Variants in CYSTM1 observed in about 807,000 individuals in gnomAD.
CYSTM1 encodes the protein cysteine rich transmembrane module containing 1.
Under a neutral mutation model 13.1 loss-of-function variants are expected in CYSTM1, and 4 were observed. That is an observed-to-expected ratio of 0.31 (90% CI 0.15 to 0.70). The LOEUF (loss-of-function observed/expected upper bound fraction) is 0.70. CYSTM1 is among the 30% of genes least tolerant of loss of function. The pLI is 0.72. For synonymous variants in CYSTM1, 36 were observed against 42.7 expected (o/e 0.84, Z 0.62); for missense variants, 96 against 121.6 (o/e 0.79, Z 0.99).
At position 140,234,818 on chromosome 5, in the gene CYSTM1, C is replaced by T. The variant is rs114602888; in HGVS notation, c.188-8487C>T. Reference sequence around the variant, plus strand: ...TGAGCAGGTCATGAGCAAGATCATACACTGTTTGCTGCCATTGGAAAATCC... The same window carrying T: ...TGAGCAGGTCATGAGCAAGATCATATACTGTTTGCTGCCATTGGAAAATCC... On this transcript the variant is annotated intron_variant, in intron 2 of 2. Coordinates refer to ENST00000261811, the MANE Select transcript of CYSTM1 (RefSeq NM_032412.4). Among the ~76,000 whole-genome samples the T allele has an allele frequency of 9.2e-3, 1,399 of 152,316 alleles. 16 individuals are homozygous for T. Among genetic ancestry groups the T allele is most frequent in the Non-Finnish European group, 0.013 (894 of 68,024 alleles).
At chr5:140,191,421 A>C (rs1445452130) in intron 1 of CYSTM1, among the ~76,000 whole-genome samples, 1 of 152,196 alleles carries the variant, frequency 6.6e-6, no homozygotes, top group Non-Finnish European at 1.5e-5. Context: ...CATACCAAAA[A>C]TGAGAGGGAA....
rs1434027947 is a variant in CYSTM1 at position 140,191,731 on chromosome 5, G to A, written c.-20-2715G>A. Among the ~76,000 whole-genome samples the A allele has an allele frequency of 5.3e-5, 8 of 152,234 alleles. No homozygotes were observed. In the East Asian group the frequency reaches 1.5e-3, roughly 29 times the overall value. ...TAAACTACAGTTTTAATGAAGTTAG[G>A]TTACACACACTGAATTTCAGGACAG... is the stretch of plus-strand genomic sequence containing the variant. On this transcript the variant is annotated intron_variant, in intron 1 of 2. Coordinates refer to ENST00000261811, the MANE Select transcript of CYSTM1 (RefSeq NM_032412.4).
chr5:140,186,945 G>A (rs531849746), intron 1 of CYSTM1, among the ~76,000 whole-genome samples: 5 of 152,188 alleles, frequency 3.3e-5, no homozygotes, highest in Middle Eastern at 3.4e-3. Flanking sequence ...GGCCAACATG[G>A]TGAAACCCCA....
At chr5:140,237,989 C>T (rs934627113) in intron 2 of CYSTM1, among the ~76,000 whole-genome samples, 9 of 152,204 alleles carry the variant, frequency 5.9e-5, no homozygotes, top group African/African-American at 1.9e-4. Flanking sequence ...CATGTAAACG[C>T]CCGCACCTGT....
chr5:140,194,782 A>G lies in CYSTM1; in HGVS notation c.187+130A>G, dbSNP rs1025609273. 1.8e-5 allele frequency: 21 copies of G among 1,173,330 alleles called. No homozygotes were observed. The African/African-American group carries it at 3.1e-4, about 18-fold the overall frequency. The allele number at this position is 1,173,330 out of a possible 1,614,324, so 72.7% of individuals were successfully genotyped here. On this transcript the variant is annotated intron_variant, in intron 2 of 2. Coordinates refer to ENST00000261811, the MANE Select transcript of CYSTM1 (RefSeq NM_032412.4). Reference sequence around the variant, plus strand: ...TGCTTGATGTCCCCAAAGCTTGATGATGGCTTAGGGTGGATTCTCACTCCT... The same window carrying G: ...TGCTTGATGTCCCCAAAGCTTGATGGTGGCTTAGGGTGGATTCTCACTCCT...
chr5:140,177,078 A>AAAAAAAAAAAAAAAAAAC (rs10679899), intron 1 of CYSTM1, among the ~76,000 whole-genome samples: 4 of 135,544 alleles, frequency 3.0e-5, no homozygotes, highest in Non-Finnish European at 4.8e-5. Flanking sequence ...CAAAAAAAAA[A>AAAAAAAAAAAAAAAAAAC]AAAAAAAAAT....
Position 140,194,559 on chromosome 5 carries a change from G to T in CYSTM1, c.94G>T (p.Gly32Trp), listed in dbSNP as rs370976721. 3 of 1,613,570 alleles carry T rather than the reference G, an allele frequency of 1.9e-6. No individual in the cohort carries two copies. Among genetic ancestry groups the T allele is most frequent in the Non-Finnish European group, 2.5e-6 (3 of 1,179,800 alleles). The change falls in exon 2 of 3, where the codon GGG (glycine) becomes TGG (tryptophan). Residue 32 changes from glycine (G) to tryptophan (W), a missense_variant. Gly to Trp is a radical substitution (Grantham distance 184). Transcript: ENST00000261811. ...PPQPMGPGPM[G>W]GPYPPPQGYP... ...ACAACCAATGGGTCCAGGACCTATG[G>T]GGGGACCCTACCCACCTCCTCAAGG...
At chr5:140,194,695 A>G (rs760048030) in intron 2 of CYSTM1, 43 bp downstream of exon 2, 64 of 1,556,826 alleles carry the variant, frequency 4.1e-5, no homozygotes, top group Non-Finnish European at 5.4e-5. Flanking sequence ...CCGTGTCACT[A>G]AAGGAAATGT....
intron 2 of CYSTM1, among the ~76,000 whole-genome samples, chr5:140,198,927 G>A (rs1764185789): frequency 1.3e-5 from 2 of 152,100 alleles, no homozygotes; most frequent in Admixed American, 1.3e-4. Context: ...TCTACATTGG[G>A]TATTTCTCCT....
chr5:140,181,490 C>T (rs992363170), intron 1 of CYSTM1, among the ~76,000 whole-genome samples: 7 of 152,164 alleles, frequency 4.6e-5, no homozygotes, highest in African/African-American at 1.7e-4. Context: ...ATTGTATTTA[C>T]TTACTGATTA....
intron 2 of CYSTM1, among the ~76,000 whole-genome samples, chr5:140,194,892 T>C (rs958806682): frequency 6.6e-6 from 1 of 152,220 alleles, no homozygotes; most frequent in African/African-American, 2.4e-5. Flanking sequence ...CAACGTGTTT[T>C]CTGAGGGCTA....
At chr5:140,218,902 GCATA>G (rs1242008497) in intron 2 of CYSTM1, among the ~76,000 whole-genome samples, 1 of 152,144 alleles carries the variant, frequency 6.6e-6, no homozygotes, top group Non-Finnish European at 1.5e-5. Context: ...GGCCCTCCCA[GCATA>G]TTTTTGGAGG....
chr5:140,177,561 G>A (rs1763905191), intron 1 of CYSTM1, among the ~76,000 whole-genome samples: 1 of 152,188 alleles, frequency 6.6e-6, no homozygotes, highest in Non-Finnish European at 1.5e-5. Context: ...TGGTTTGTGC[G>A]TAAATATAGA....
intron 1 of CYSTM1, among the ~76,000 whole-genome samples, chr5:140,180,665 A>T (rs1334821160): frequency 1.3e-5 from 2 of 152,194 alleles, no homozygotes; most frequent in Non-Finnish European, 2.9e-5. Context: ...TTATTGATTT[A>T]GGCCTCCAAG....
At chr5:140,182,685 T>C (rs915048609) in intron 1 of CYSTM1, among the ~76,000 whole-genome samples, 13 of 151,864 alleles carry the variant, frequency 8.6e-5, no homozygotes. Flanking sequence ...CTTTCACATA[T>C]AGAGAACTGT....
chr5:140,243,520 A>G lies in CYSTM1; in HGVS notation c.*109A>G, dbSNP rs571611419. On this transcript the variant is annotated 3_prime_UTR_variant, in exon 3 of 3. Transcript: ENST00000261811. ...TTAACAAATGACTAGCTTTGCACAG[A>G]CACCTCTACCTTCAGCACTATGGGA... The G allele has an allele frequency of 1.2e-3, 1,002 of 802,804 alleles. 6 individuals are homozygous for G. Among genetic ancestry groups the G allele is most frequent in the Middle Eastern group, 7.3e-3 (21 of 2,874 alleles). The allele number at this position is 802,804 out of a possible 1,614,324, so 49.7% of individuals were successfully genotyped here.
At position 140,243,292 on chromosome 5, in the gene CYSTM1, C is replaced by G. The variant is rs1364941925; in HGVS notation, c.188-13C>G. 1 of 1,611,870 alleles carries G rather than the reference C, an allele frequency of 6.2e-7. No homozygotes were observed. Among genetic ancestry groups the G allele is most frequent in the Non-Finnish European group, 8.5e-7 (1 of 1,178,140 alleles). On this transcript the variant is annotated splice_polypyrimidine_tract_variant and intron_variant, in intron 2 of 2. Coordinates refer to ENST00000261811, the MANE Select transcript of CYSTM1 (RefSeq NM_032412.4). The stretch of plus-strand genomic sequence containing the variant: ...CCAGTCCATTCTCACCCTCTTCCCT[C>G]TTCTCCCTCCAGTGTATGTGGTAGA...
chr5:140,185,858 A>G (rs1488999782), intron 1 of CYSTM1, among the ~76,000 whole-genome samples: 1 of 152,174 alleles, frequency 6.6e-6, no homozygotes, highest in Admixed American at 6.5e-5. Flanking sequence ...ACCTCTGCTC[A>G]CTGTACATTC....
chr5:140,242,894 A>G (rs935183673), intron 2 of CYSTM1, among the ~76,000 whole-genome samples: 4 of 152,226 alleles, frequency 2.6e-5, no homozygotes, highest in African/African-American at 9.6e-5. Flanking sequence ...GCCCCCCTTT[A>G]AAAGGAGATT....
Sources: gnomAD v4.1 joint callset for allele counts (sites outside exome capture counted in the v4.1 genomes callset) on GRCh38, gnomAD v4.1.1 for gene constraint, MANE v1.5 for transcripts, NCBI Gene and HGNC (gene_info 2026-07-23, HGNC 2026-07-21) for gene names.